The following GRIK1 variants were observed in gnomAD, a reference collection of about 807,000 sequenced individuals.
GRIK1 encodes the protein glutamate ionotropic receptor kainate type subunit 1, also known as glutamate receptor ionotropic, kainate 1.
A neutral mutation model predicts 105.7 loss-of-function variants in GRIK1; 69 were observed. The ratio of observed to expected loss-of-function variants is 0.65; its 90% CI spans 0.54 to 0.80. The LOEUF is 0.80. Ranked by LOEUF, GRIK1 falls within the 30% of genes least tolerant of loss-of-function variation. The pLI is 0.00. For missense variants in GRIK1, 1,109 were observed against 1,167.3 expected, an observed-to-expected ratio of 0.95 and a Z score of 0.73; for synonymous variants, 438 against 431.3, an observed-to-expected ratio of 1.02 and a Z score of -0.19.
chr21:29,734,921 T>C (rs909035657), intron 1 of GRIK1, among the ~76,000 whole-genome samples: 4 of 152,186 alleles, frequency 2.6e-5, no homozygotes, highest in African/African-American at 9.6e-5. Flanking sequence ...TGGCCTGGCA[T>C]GCAGGGACCT....
At chr21:29,913,393 T>C (rs1015077753) in intron 1 of GRIK1, among the ~76,000 whole-genome samples, 25 of 152,064 alleles carry the variant, frequency 1.6e-4, no homozygotes, top group Admixed American at 2.0e-4. Flanking sequence ...CATATACTTA[T>C]GTACTTTTAT....
At chr21:29,851,924 T>A (rs1053126229) in intron 1 of GRIK1, among the ~76,000 whole-genome samples, 1 of 152,196 alleles carries the variant, frequency 6.6e-6, no homozygotes, top group African/African-American at 2.4e-5. Context: ...GGTATACTGG[T>A]TTCTCTTAAA....
At chr21:29,724,680 G>A (rs55778) in intron 1 of GRIK1, among the ~76,000 whole-genome samples, 113,002 of 152,006 alleles carry the variant, frequency 0.74, 45,074 homozygotes, top group South Asian at 0.89. Context: ...AGCTCACAGT[G>A]ATGAAATAAA....
intron 1 of GRIK1, among the ~76,000 whole-genome samples, chr21:29,872,403 C>G (rs1716665083): frequency 6.6e-6 from 1 of 151,962 alleles, no homozygotes; most frequent in South Asian, 2.1e-4. Flanking sequence ...TCATGTTAGC[C>G]AGGATGGTCT....
At chr21:29,917,599 A>G (rs557508101) in intron 1 of GRIK1, among the ~76,000 whole-genome samples, 1 of 152,026 alleles carries the variant, frequency 6.6e-6, no homozygotes. Flanking sequence ...AATGCTTTCC[A>G]TTGAACTGAG....
intron 9 of GRIK1, among the ~76,000 whole-genome samples, chr21:29,593,506 G>A (rs558435584): frequency 6.6e-6 from 1 of 152,238 alleles, no homozygotes; most frequent in South Asian, 2.1e-4. Flanking sequence ...AAATATACCT[G>A]TCTATTGATT....
intron 9 of GRIK1, among the ~76,000 whole-genome samples, chr21:29,593,108 G>A (rs745886576): frequency 2.2e-4 from 33 of 152,120 alleles, no homozygotes; most frequent in Non-Finnish European, 3.8e-4. Context: ...ACTATTACAC[G>A]TTCACACATC....
Position 29,596,955 on chromosome 21 carries a change from CACACACACACACACAA to C in GRIK1, c.1207-401_1207-386del, listed in dbSNP as rs1225502207. On this transcript the variant is annotated intron_variant, in intron 8 of 17. Transcript: ENST00000327783. ...CAACCAACCAGCAAATCAATCAATA[CACACACACACACACAA>C]ACACACACACACACAGACACACACA... 3.3e-5 allele frequency among the ~76,000 whole-genome samples: 5 copies of C among 151,050 alleles called. No individual in the cohort carries two copies. In the East Asian group the frequency reaches 7.7e-4, roughly 23 times the overall value.
intron 1 of GRIK1, among the ~76,000 whole-genome samples, chr21:29,734,614 G>A (rs891828320): frequency 3.0e-4 from 45 of 151,842 alleles, no homozygotes; most frequent in African/African-American, 1.1e-3. Context: ...GCCCAAACTA[G>A]TCTTGAACTC....
At chr21:29,730,810 T>C (rs1480392614) in intron 1 of GRIK1, among the ~76,000 whole-genome samples, 1 of 152,158 alleles carries the variant, frequency 6.6e-6, no homozygotes. Flanking sequence ...TACACTTTTG[T>C]CCTATGGGAC....
At chr21:29,568,700 C>T (rs1253037157) in intron 14 of GRIK1, among the ~76,000 whole-genome samples, 3 of 152,208 alleles carry the variant, frequency 2.0e-5, no homozygotes, top group African/African-American at 7.2e-5. Flanking sequence ...TAATTTGGCT[C>T]ACAAGAAATT....
At chr21:29,681,234 G>C (rs1208565511) in intron 3 of GRIK1, among the ~76,000 whole-genome samples, 1 of 152,184 alleles carries the variant, frequency 6.6e-6, no homozygotes, top group African/African-American at 2.4e-5. Flanking sequence ...ATCCCCTTAG[G>C]ATGAGTAGAG....
At chr21:29,551,193 G>A (rs138113678) in intron 16 of GRIK1, among the ~76,000 whole-genome samples, 33 of 152,258 alleles carry the variant, frequency 2.2e-4, no homozygotes, top group African/African-American at 4.6e-4. Context: ...AACTTGTGAC[G>A]CACACTGAGA....
rs554393676 is a variant in GRIK1, at chr21:29,596,624, C to T, written c.1207-54G>A. 2.8e-4 allele frequency: 356 copies of T among 1,265,870 alleles called. 2 individuals are homozygous for T. In the South Asian group the frequency reaches 3.8e-3, roughly 13 times the overall value. The allele number at this position is 1,265,870 out of a possible 1,614,324, so 78.4% of individuals were successfully genotyped here. A position where few individuals can be genotyped will look rare whatever the true frequency, so the allele number is the denominator to read the frequency against. On this transcript the variant is annotated intron_variant, in intron 8 of 17. Transcript: ENST00000327783. ...AAAACAGCACTTAATTAAAATGGAG[C>T]GTGAAACCCAGAAGGAATCATGGTG...
intron 7 of GRIK1, among the ~76,000 whole-genome samples, chr21:29,609,303 A>G (rs2061681799): frequency 6.6e-6 from 1 of 152,174 alleles, no homozygotes. Context: ...CTCAGAATTC[A>G]CAGACAACTT....
At chr21:29,641,570 AAG>A (rs2062511418) in intron 7 of GRIK1, among the ~76,000 whole-genome samples, 2 of 152,200 alleles carry the variant, frequency 1.3e-5, no homozygotes, top group African/African-American at 4.8e-5. Flanking sequence ...TAGTGGAACT[AAG>A]ATTTAAACCC....
intron 14 of GRIK1, 129 bp downstream of exon 14, chr21:29,576,835 T>A: frequency 1.6e-6 from 1 of 617,952 alleles, no homozygotes; most frequent in Non-Finnish European, 2.8e-6. Context: ...AATTATAAAT[T>A]TTATTTCATT....
intron 11 of GRIK1, among the ~76,000 whole-genome samples, chr21:29,588,026 G>A (rs932913981): frequency 7.7e-6 from 1 of 129,536 alleles, no homozygotes; most frequent in African/African-American, 3.0e-5. Context: ...CCAGGCTAGA[G>A]TGCAGTGGTG....
At chr21:29,700,185 G>C (rs931006140) in intron 1 of GRIK1, among the ~76,000 whole-genome samples, 4 of 152,112 alleles carry the variant, frequency 2.6e-5, no homozygotes, top group African/African-American at 9.7e-5. Context: ...CAGCGAGGAC[G>C]TAGGCAGTTG....
Sources: allele counts gnomAD v4.1 joint callset (sites outside exome capture counted in the v4.1 genomes callset), GRCh38; gene constraint gnomAD v4.1.1; transcripts MANE v1.5; gene names NCBI Gene and HGNC (gene_info 2026-07-23, HGNC 2026-07-21).